LRP1B: variants seen among roughly 807,000 people sequenced by gnomAD.
LRP1B encodes low-density lipoprotein receptor-related protein 1B.
A neutral mutation model predicts 556.6 loss-of-function variants in LRP1B; 217 were observed. The observed-to-expected ratio is 0.39, with a 90% CI of 0.35 to 0.44. The LOEUF (loss-of-function observed/expected upper bound fraction) is 0.44. LRP1B is among the 20% of genes least tolerant of loss of function. The pLI is 1.00. For missense variants in LRP1B, 5,053 were observed against 5,620.8 expected, an observed-to-expected ratio of 0.90 and a Z score of 3.23; for synonymous variants, 2,047 against 1,865.8, an observed-to-expected ratio of 1.10 and a Z score of -2.50.
chr2:141,239,763 T>C (rs910738637), intron 5 of LRP1B, among the ~76,000 whole-genome samples: 3 of 152,018 alleles, frequency 2.0e-5, no homozygotes, highest in East Asian at 1.9e-4. Flanking sequence ...TGAAATAAGA[T>C]CGTCACCTCA....
At chr2:140,876,522 T>C (rs1257334571) in intron 25 of LRP1B, among the ~76,000 whole-genome samples, 1 of 152,188 alleles carries the variant, frequency 6.6e-6, no homozygotes, top group Non-Finnish European at 1.5e-5. Context: ...AGACTTGACT[T>C]ATGAAGTCAA....
Position 141,994,613 on chromosome 2 carries a change from C to G in LRP1B, c.82+136035G>C, listed in dbSNP as rs551898900. 1.9e-3 allele frequency among the ~76,000 whole-genome samples: 285 copies of G among 152,082 alleles called. 1 individual carries two copies. Among genetic ancestry groups the G allele is most frequent in the South Asian group, 0.012 (60 of 4,826 alleles). ...GGAAAGGAATGGTGAGTGCAAGAGA[C>G]TAAAGAAAACCGGGAAGAAAACATT... On this transcript the variant is annotated intron_variant, in intron 1 of 90. Coordinates refer to ENST00000389484, the MANE Select transcript of LRP1B (RefSeq NM_018557.3).
intron 25 of LRP1B, 135 bp downstream of exon 25, chr2:140,883,682 C>T (rs954732113): frequency 7.3e-6 from 3 of 410,460 alleles, no homozygotes; most frequent in African/African-American, 6.3e-5. Flanking sequence ...ACCTCCCCGC[C>T]CCCGCCACAC....
rs764745790 is a variant in LRP1B, at chr2:140,541,858, T to C, written c.7308A>G (p.Gly2436=). The C allele has an allele frequency of 1.2e-6, 2 of 1,612,928 alleles. No homozygotes were observed. The highest frequency in any genetic ancestry group is 1.7e-6 in the Non-Finnish European group (2 of 1,179,200). ...CGGAACGAAGAATTTTTGTATCTCC[T>C]CCTGTGTACTTGTTGGACCGCAGTA... ...RAILRSNKYT[G]GDTKILRSDI... Residue 2436 remains glycine (G), a synonymous_variant, in exon 44 of 91, where the codon GGA becomes GGG. Coordinates refer to ENST00000389484, the MANE Select transcript of LRP1B (RefSeq NM_018557.3).
At chr2:140,732,785 C>T (rs1687821160) in intron 35 of LRP1B, among the ~76,000 whole-genome samples, 2 of 152,058 alleles carry the variant, frequency 1.3e-5, no homozygotes, top group African/African-American at 4.8e-5. Flanking sequence ...AAGAAAGGTT[C>T]AGAGTTTTTT....
intron 12 of LRP1B, among the ~76,000 whole-genome samples, chr2:141,019,129 A>G (rs1697993657): frequency 6.6e-6 from 1 of 152,128 alleles, no homozygotes. Flanking sequence ...TCCATCTTTG[A>G]TATTTCTATA....
At chr2:141,324,064 A>G (rs1687350717) in intron 3 of LRP1B, among the ~76,000 whole-genome samples, 1 of 144,116 alleles carries the variant, frequency 6.9e-6, no homozygotes, top group African/African-American at 2.6e-5. Context: ...ACACACCTGA[A>G]CAAGGAAACC....
chr2:140,743,082 A>T (rs1688193334), intron 35 of LRP1B, among the ~76,000 whole-genome samples: 1 of 152,220 alleles, frequency 6.6e-6, no homozygotes, highest in Non-Finnish European at 1.5e-5. Context: ...AAATGCAAAC[A>T]GTATTTGCCA....
chr2:140,559,760 G>A (rs78674182), intron 43 of LRP1B, among the ~76,000 whole-genome samples: 14 of 145,408 alleles, frequency 9.6e-5, no homozygotes, highest in South Asian at 2.1e-4. Context: ...ATAAATAATT[G>A]AAAAAAAAAA....
chr2:141,631,538 CAAAAA>C (rs71391663), intron 2 of LRP1B, among the ~76,000 whole-genome samples: 4 of 92,566 alleles, frequency 4.3e-5, no homozygotes, highest in Non-Finnish European at 6.5e-5. Context: ...ACCAGTTTTC[CAAAAA>C]AAAAAAAAAA....
At chr2:141,314,830 G>GTA (rs1429208067) in intron 3 of LRP1B, among the ~76,000 whole-genome samples, 8,195 of 123,906 alleles carry the variant, frequency 0.066, 370 homozygotes, top group East Asian at 0.14. Context: ...ATATATATGT[G>GTA]TATATATATA....
intron 1 of LRP1B, among the ~76,000 whole-genome samples, chr2:142,074,327 C>T (rs1705424693): frequency 1.3e-5 from 2 of 152,044 alleles, no homozygotes; most frequent in South Asian, 4.1e-4. Context: ...TCTACTTCTG[C>T]CAATCCTCTG....
chr2:140,549,293 G>A (rs888932504), intron 43 of LRP1B, among the ~76,000 whole-genome samples: 18 of 152,058 alleles, frequency 1.2e-4, no homozygotes, highest in African/African-American at 4.3e-4. Flanking sequence ...TTAAAATAAA[G>A]AAAAGTGGGA....
At chr2:140,350,596 C>A (rs1333236695) in intron 77 of LRP1B, among the ~76,000 whole-genome samples, 1 of 151,790 alleles carries the variant, frequency 6.6e-6, no homozygotes, top group African/African-American at 2.4e-5. Context: ...AAAGCAAAAA[C>A]ATAAAAGCAT....
chr2:140,381,487 C>T (rs78432744), intron 67 of LRP1B, among the ~76,000 whole-genome samples: 2,894 of 152,214 alleles, frequency 0.019, 43 homozygotes, highest in Non-Finnish European at 0.023. Context: ...CTCATCTAGA[C>T]AAGCCAGATT....
intron 7 of LRP1B, among the ~76,000 whole-genome samples, chr2:141,124,373 T>C (rs1701144835): frequency 6.6e-6 from 1 of 152,200 alleles, no homozygotes; most frequent in South Asian, 2.1e-4. Context: ...TAGAATGCTT[T>C]TAAGAAGCTC....
intron 2 of LRP1B, among the ~76,000 whole-genome samples, chr2:141,761,817 A>T (rs1694562176): frequency 6.6e-6 from 1 of 152,156 alleles, no homozygotes; most frequent in Admixed American, 6.5e-5. Flanking sequence ...GAAACTGTGA[A>T]CTACCTCAAG....
chr2:140,934,135 A>C (rs976688763), intron 20 of LRP1B, among the ~76,000 whole-genome samples: 1 of 152,082 alleles, frequency 6.6e-6, no homozygotes, highest in African/African-American at 2.4e-5. Context: ...TTAGAACTTA[A>C]GTTTTACTTT....
chr2:141,912,478 A>T (rs903877103), intron 1 of LRP1B, among the ~76,000 whole-genome samples: 2 of 152,172 alleles, frequency 1.3e-5, no homozygotes, highest in Non-Finnish European at 2.9e-5. Context: ...GGCTCGGGGC[A>T]AATCATCAAA....
Sources: allele counts gnomAD v4.1 joint callset (sites outside exome capture counted in the v4.1 genomes callset), GRCh38; gene constraint gnomAD v4.1.1; transcripts MANE v1.5; gene names NCBI Gene and HGNC (gene_info 2026-07-23, HGNC 2026-07-21).